Variants in AGAP1 observed in about 807,000 individuals in gnomAD.
AGAP1 encodes the protein ArfGAP with GTPase domain, ankyrin repeat and PH domain 1.
A neutral mutation model predicts 105.3 loss-of-function variants in AGAP1; 29 were observed. The observed-to-expected ratio is 0.28, with a 90% CI of 0.21 to 0.38. AGAP1 has a LOEUF of 0.38. Among genes scored for constraint, AGAP1 ranks in the 10% least tolerant of loss-of-function variants. The probability of loss-of-function intolerance (pLI) is 1.00; values close to 1 mark genes in which losing one functional copy is unlikely to be tolerated. For missense variants in AGAP1, 998 were observed against 1,165.1 expected, an observed-to-expected ratio of 0.86 and a Z score of 2.09; for synonymous variants, 509 against 485.9, an observed-to-expected ratio of 1.05 and a Z score of -0.63.
At chr2:235,797,390 G>A (rs1434812549) in intron 6 of AGAP1, among the ~76,000 whole-genome samples, 1 of 152,092 alleles carries the variant, frequency 6.6e-6, no homozygotes, top group Admixed American at 6.5e-5. Context: ...GTGTTCCACA[G>A]TGCTGCTGAG....
chr2:235,588,674 G>A (rs949832177), intron 1 of AGAP1, among the ~76,000 whole-genome samples: 2 of 151,988 alleles, frequency 1.3e-5, no homozygotes, highest in African/African-American at 2.4e-5. Context: ...TTAAATTCAC[G>A]GAGTAACACA....
At chr2:235,670,838 C>T (rs985036601) in intron 1 of AGAP1, 34 of 1,349,582 alleles carry the variant, frequency 2.5e-5, no homozygotes, top group African/African-American at 6.3e-5. Flanking sequence ...CCTGCAGCGG[C>T]TGGAGCGCGC....
At chr2:235,766,657 A>G (rs564466802) in intron 6 of AGAP1, among the ~76,000 whole-genome samples, 26 of 152,316 alleles carry the variant, frequency 1.7e-4, no homozygotes, top group Admixed American at 8.5e-4. Flanking sequence ...AGAATTCTAC[A>G]TTCTGTGGTT....
rs146396295 is a variant in AGAP1, at chr2:235,740,894, G to A, written c.311-69G>A. 631 of 1,596,876 alleles carry A rather than the reference G, an allele frequency of 4.0e-4. No homozygotes were observed. In the African/African-American group the frequency reaches 7.5e-3, roughly 19 times the overall value. On this transcript the variant is annotated intron_variant, in intron 3 of 17. Transcript: ENST00000304032. This position sits in a 1 kb window ranked among gnomAD's most constrained non-coding sequence, Gnocchi z 5.7. ...TAGGGTGTATTTTTCCACAAGCGAA[G>A]CCCACGTCTGTCTGCCCTCCTCACT... is the stretch of plus-strand genomic sequence containing the variant.
chr2:235,916,638 A>G (rs1471483620), intron 11 of AGAP1, among the ~76,000 whole-genome samples: 1 of 152,204 alleles, frequency 6.6e-6, no homozygotes, highest in Non-Finnish European at 1.5e-5. Flanking sequence ...TGTTTTTAAA[A>G]TGGGGAAATG....
chr2:235,802,985 GGTT>G (rs1441383281), intron 8 of AGAP1, among the ~76,000 whole-genome samples: 5 of 147,928 alleles, frequency 3.4e-5, no homozygotes, highest in Non-Finnish European at 6.0e-5. Context: ...TGGTTGTGAT[GGTT>G]GTGATGGTGG....
intron 6 of AGAP1, among the ~76,000 whole-genome samples, chr2:235,755,627 G>C (rs962703115): frequency 7.2e-5 from 11 of 152,220 alleles, no homozygotes; most frequent in Admixed American, 7.2e-4. Flanking sequence ...ATTTAGTAGA[G>C]ACTGGTTTTT....
rs1329061958 is a variant in AGAP1 at position 236,000,735 on chromosome 2, G to A, written c.1645+32112G>A. On this transcript the variant is annotated intron_variant, in intron 13 of 17. Transcript: ENST00000304032. The surrounding 1 kb of genome is among the most constrained non-coding windows in gnomAD (Gnocchi z 4.3). ...AGGCAATCAGCCCCGATGGTGTGGC[G>A]GGGCAGGTACTAGAGATTGTGTTTG... Among the ~76,000 whole-genome samples, 2 of 152,212 alleles carry A rather than the reference G, an allele frequency of 1.3e-5. No homozygotes were observed. Among genetic ancestry groups the A allele is most frequent in the East Asian group, 1.9e-4 (1 of 5,182 alleles).
At position 235,793,268 on chromosome 2, in the gene AGAP1, C is replaced by T. The variant is rs1003192769; in HGVS notation, c.674-4491C>T. 3.0e-4 allele frequency among the ~76,000 whole-genome samples: 46 copies of T among 152,270 alleles called. 1 individual carries two copies. Among genetic ancestry groups the T allele is most frequent in the South Asian group, 2.3e-3 (11 of 4,824 alleles). On this transcript the variant is annotated intron_variant, in intron 6 of 17. Transcript: ENST00000304032. The surrounding 1 kb of genome is among the most constrained non-coding windows in gnomAD (Gnocchi z 5.3). The stretch of plus-strand genomic sequence containing the variant: ...CCAGAAGGCCTGGCTGGGAATGGGG[C>T]GTGGCACACGGTGTAATCCGGGCAG...
In AGAP1 at chr2:235,754,954, A is replaced by C. The variant is rs1403204783; in HGVS notation, c.673+4466A>C. ...GGGTGGAGCGTTCTCGCTCCTGCTC[A>C]CAGGCGAGTTTGTGTGGCTTGCGGG... On this transcript the variant is annotated intron_variant, in intron 6 of 17. Transcript: ENST00000304032. This position sits in a 1 kb window ranked among gnomAD's most constrained non-coding sequence, Gnocchi z 4.6. Among the ~76,000 whole-genome samples, 1 of 152,248 alleles carries C rather than the reference A, an allele frequency of 6.6e-6. No individual in the cohort carries two copies. Among genetic ancestry groups the C allele is most frequent in the African/African-American group, 2.4e-5 (1 of 41,468 alleles).
intron 1 of AGAP1, among the ~76,000 whole-genome samples, chr2:235,706,583 C>T (rs144108245): frequency 6.6e-6 from 1 of 152,178 alleles, no homozygotes; most frequent in African/African-American, 2.4e-5. Flanking sequence ...TTGTGAGGAT[C>T]CTATCCATCT....
Position 235,741,461 on chromosome 2 carries a change from T to C in AGAP1, c.396+413T>C, listed in dbSNP as rs192244543. On this transcript the variant is annotated intron_variant, in intron 4 of 17. Transcript: ENST00000304032. This position sits in a 1 kb window ranked among gnomAD's most constrained non-coding sequence, Gnocchi z 4.9. ...GGGTGCAATTGGGAGTCCCACCTTC[T>C]CTCTGTCTCTGGTAACTACAGGCAT... Among the ~76,000 whole-genome samples the C allele has an allele frequency of 6.4e-3, 971 of 152,284 alleles. 17 individuals carry two copies. The highest frequency in any genetic ancestry group is 0.022 in the African/African-American group (925 of 41,576).
intron 1 of AGAP1, among the ~76,000 whole-genome samples, chr2:235,497,827 A>C (rs565060421): frequency 6.6e-6 from 1 of 151,838 alleles, no homozygotes; most frequent in East Asian, 1.9e-4. Flanking sequence ...CCGTCTCCTA[A>C]CCTCGTGATC....
intron 13 of AGAP1, among the ~76,000 whole-genome samples, chr2:235,969,223 C>T (rs575107378): frequency 2.0e-5 from 3 of 152,038 alleles, no homozygotes; most frequent in Admixed American, 2.0e-4. Flanking sequence ...GGCTGGATGT[C>T]AGCTTCCTGA....
chr2:235,805,075 G>A (rs1388271138), intron 8 of AGAP1, among the ~76,000 whole-genome samples: 1 of 152,218 alleles, frequency 6.6e-6, no homozygotes, highest in African/African-American at 2.4e-5. Flanking sequence ...ACAGCCTGAT[G>A]TAGACAAACT....
intron 16 of AGAP1, among the ~76,000 whole-genome samples, chr2:236,098,734 C>G (rs1367869766): frequency 6.6e-6 from 1 of 151,356 alleles, no homozygotes; most frequent in Non-Finnish European, 1.5e-5. Context: ...AAGCGATCCC[C>G]CTGCGTCAGC....
At chr2:235,809,606 A>T (rs935473178) in intron 9 of AGAP1, among the ~76,000 whole-genome samples, 1 of 152,192 alleles carries the variant, frequency 6.6e-6, no homozygotes, top group Non-Finnish European at 1.5e-5. Context: ...TGGATTTTTA[A>T]ATCGGGGCAC....
In AGAP1 at chr2:235,736,751, G is replaced by A. The variant is rs1014094377; in HGVS notation, c.311-4212G>A. Among the ~76,000 whole-genome samples the A allele has an allele frequency of 3.3e-5, 5 of 152,174 alleles. No homozygotes were observed. The highest frequency in any genetic ancestry group is 3.3e-4 in the Admixed American group (5 of 15,284). ...GCTACTCAGGGAGGCTGAGGTGGGA[G>A]GATCTTTTGAGCCTAGGCAGTCGAG... On this transcript the variant is annotated intron_variant, in intron 3 of 17. Transcript: ENST00000304032. This position sits in a 1 kb window ranked among gnomAD's most constrained non-coding sequence, Gnocchi z 5.5.
chr2:236,038,815 TTGTATGTGTGTGTGTG>T lies in AGAP1; in HGVS notation c.1801-1932_1801-1917del, dbSNP rs2057459645. Among the ~76,000 whole-genome samples, 3 of 128,572 alleles carry T rather than the reference TTGTATGTGTGTGTGTG, an allele frequency of 2.3e-5. No homozygotes were observed. The highest frequency in any genetic ancestry group is 1.5e-4 in the Admixed American group (2 of 13,498). 84.3% of individuals were successfully genotyped at this position (128,572 alleles called of 152,430 possible). On this transcript the variant is annotated intron_variant, in intron 14 of 17. Transcript: ENST00000304032. The surrounding 1 kb of genome is among the most constrained non-coding windows in gnomAD (Gnocchi z 4.5). ...CACAGAGAGACAGAGGCACATCCCT[TTGTATGTGTGTGTGTG>T]TGTGTGTGTGTGTGTGTGATCACAC...
Sources: gnomAD v4.1 joint callset for allele counts (sites outside exome capture counted in the v4.1 genomes callset) on GRCh38, gnomAD v4.1.1 for gene constraint, Gnocchi (gnomAD v3.1) non-coding constraint, MANE v1.5 for transcripts, NCBI Gene and HGNC (gene_info 2026-07-23, HGNC 2026-07-21) for gene names.